The following CAMK1D variants were observed in gnomAD, a reference collection of about 807,000 sequenced individuals.
CAMK1D encodes the protein calcium/calmodulin-dependent protein kinase type 1D.
Under a neutral mutation model 47.7 loss-of-function variants are expected in CAMK1D, and 9 were observed. The observed-to-expected ratio is 0.19, with a 90% CI of 0.11 to 0.33. The LOEUF is 0.33. CAMK1D is among the 10% of genes least tolerant of loss of function. CAMK1D has a pLI of 1.00. For synonymous variants in CAMK1D, 184 were observed against 184.9 expected (o/e 0.99, Z 0.04); for missense variants, 291 against 488.7 (o/e 0.60, Z 3.81).
At chr10:12,561,286 G>A (rs1000862903) in intron 2 of CAMK1D, among the ~76,000 whole-genome samples, 3 of 152,060 alleles carry the variant, frequency 2.0e-5, no homozygotes, top group Admixed American at 6.6e-5. Context: ...GGTGGTGTGC[G>A]TGGTTAAAGC....
chr10:12,642,080 G>A (rs1839683526), intron 2 of CAMK1D, among the ~76,000 whole-genome samples: 2 of 151,868 alleles, frequency 1.3e-5, no homozygotes, highest in Non-Finnish European at 1.5e-5. Context: ...AAGGCCGCAG[G>A]CTTTTGCTTT....
At chr10:12,366,977 T>C (rs939683044) in intron 1 of CAMK1D, among the ~76,000 whole-genome samples, 2 of 152,150 alleles carry the variant, frequency 1.3e-5, no homozygotes, top group Non-Finnish European at 2.9e-5. Flanking sequence ...GTGATGGCCT[T>C]GCTTGGCTTA....
chr10:12,480,123 T>G (rs1031777764), intron 1 of CAMK1D, among the ~76,000 whole-genome samples: 4 of 152,112 alleles, frequency 2.6e-5, no homozygotes, highest in African/African-American at 9.7e-5. Flanking sequence ...ATCCTTCCTG[T>G]TTCCTCTAGT....
At chr10:12,764,391 A>AAAAAAACAAAAAAAC (rs1564544196) in intron 4 of CAMK1D, among the ~76,000 whole-genome samples, 3 of 151,096 alleles carry the variant, frequency 2.0e-5, no homozygotes, top group Non-Finnish European at 4.4e-5. Context: ...CAAAAAAAAA[A>AAAAAAACAAAAAAAC]AAAAAAACAT....
chr10:12,696,417 A>T (rs189791923), intron 3 of CAMK1D, among the ~76,000 whole-genome samples: 1 of 151,974 alleles, frequency 6.6e-6, no homozygotes, highest in East Asian at 2.0e-4. Context: ...TGCACCTGTA[A>T]TCCCAGCTAC....
chr10:12,546,100 C>G (rs1836360822), intron 1 of CAMK1D, among the ~76,000 whole-genome samples: 1 of 152,174 alleles, frequency 6.6e-6, no homozygotes, highest in Non-Finnish European at 1.5e-5. Context: ...AACTCGATCC[C>G]ATAGACATGA....
chr10:12,415,011 C>T (rs1839793699), intron 1 of CAMK1D, among the ~76,000 whole-genome samples: 1 of 152,044 alleles, frequency 6.6e-6, no homozygotes, highest in Admixed American at 6.6e-5. Context: ...TTTTATAGAT[C>T]CGTTATGTTT....
intron 8 of CAMK1D, among the ~76,000 whole-genome samples, chr10:12,819,992 A>T (rs2493748): frequency 0.77 from 116,703 of 151,776 alleles, 44,981 homozygotes; most frequent in East Asian, 0.83. Flanking sequence ...ACTCGGGGGA[A>T]GATTGTGCTA....
chr10:12,745,291 A>G (rs912384650), intron 3 of CAMK1D, among the ~76,000 whole-genome samples: 3 of 152,074 alleles, frequency 2.0e-5, no homozygotes, highest in South Asian at 2.1e-4. Context: ...CAGCCTCTCA[A>G]AGTGCTGGGA....
intron 2 of CAMK1D, among the ~76,000 whole-genome samples, chr10:12,663,311 A>G (rs1347943395): frequency 6.6e-6 from 1 of 152,172 alleles, no homozygotes; most frequent in Non-Finnish European, 1.5e-5. Context: ...TTACCCTGGG[A>G]TCAGTATTTC....
At chr10:12,683,855 A>T (rs1832547995) in intron 3 of CAMK1D, among the ~76,000 whole-genome samples, 1 of 151,918 alleles carries the variant, frequency 6.6e-6, no homozygotes, top group African/African-American at 2.4e-5. Flanking sequence ...CCCCTCCAAT[A>T]ACCACTTATT....
chr10:12,763,776 T>C (rs1178792423), intron 4 of CAMK1D, among the ~76,000 whole-genome samples: 3 of 151,280 alleles, frequency 2.0e-5, no homozygotes, highest in Non-Finnish European at 4.4e-5. Flanking sequence ...AAGCTTATTA[T>C]GTGGATTATT....
At chr10:12,535,731 T>G (rs1162429639) in intron 1 of CAMK1D, among the ~76,000 whole-genome samples, 1 of 152,336 alleles carries the variant, frequency 6.6e-6, no homozygotes, top group Admixed American at 6.5e-5. Context: ...TTGAGTTCTC[T>G]TGCCTCTGAG....
At position 12,350,246 on chromosome 10, in the gene CAMK1D, G is replaced by C. The variant is rs1837312556; in HGVS notation, c.92+336G>C. Among the ~76,000 whole-genome samples the C allele has an allele frequency of 5.3e-5, 8 of 152,370 alleles. 1 individual carries two copies. In the Middle Eastern group the frequency reaches 0.01, roughly 194 times the overall value. ...CTGTGGGCTGAGCATGGTGGGGATG[G>C]CTGTTTACCGGCTGTGTGCGTTTAC... On this transcript the variant is annotated intron_variant, in intron 1 of 10. Coordinates refer to ENST00000619168, the MANE Select transcript of CAMK1D (RefSeq NM_153498.4).
chr10:12,614,017 C>T (rs1223719015), intron 2 of CAMK1D, among the ~76,000 whole-genome samples: 2 of 152,118 alleles, frequency 1.3e-5, no homozygotes, highest in Non-Finnish European at 2.9e-5. Flanking sequence ...CTTACAGCTG[C>T]CCCATACTCT....
chr10:12,683,194 C>G (rs565609583), intron 3 of CAMK1D, among the ~76,000 whole-genome samples: 2 of 151,126 alleles, frequency 1.3e-5, no homozygotes, highest in Non-Finnish European at 2.9e-5. Context: ...TGAAGTGTTT[C>G]TCTTGCCTCA....
At chr10:12,665,412 T>C (rs1426953154) in intron 2 of CAMK1D, among the ~76,000 whole-genome samples, 1 of 152,246 alleles carries the variant, frequency 6.6e-6, no homozygotes, top group Non-Finnish European at 1.5e-5. Context: ...CTAAATAAGG[T>C]TTCTTGCTGT....
At chr10:12,731,046 TTTTGGTTTGG>T (rs908751387) in intron 3 of CAMK1D, among the ~76,000 whole-genome samples, 4 of 151,980 alleles carry the variant, frequency 2.6e-5, no homozygotes, top group East Asian at 1.9e-4. Context: ...AAGGTTTTGG[TTTTGGTTTGG>T]TTTGGTTTGG....
chr10:12,827,612 C>CT (rs1833300057), intron 10 of CAMK1D, among the ~76,000 whole-genome samples: 5 of 67,804 alleles, frequency 7.4e-5, no homozygotes, highest in South Asian at 7.1e-4. Context: ...CTTCCCCTCC[C>CT]CTCCTCTCTC....
Sources: gnomAD v4.1 joint callset for allele counts (sites outside exome capture counted in the v4.1 genomes callset) on GRCh38, gnomAD v4.1.1 for gene constraint, MANE v1.5 for transcripts, NCBI Gene and HGNC (gene_info 2026-07-23, HGNC 2026-07-21) for gene names.